Variants in NFKB2 observed in about 807,000 individuals in gnomAD.
The protein encoded by NFKB2 is nuclear factor NF-kappa-B p100 subunit.
In NFKB2, 21 loss-of-function variants were observed where a neutral mutation model predicts 109.3. That is an observed-to-expected ratio of 0.19 (90% CI 0.14 to 0.28). NFKB2 has a LOEUF of 0.28. Ranked by LOEUF, NFKB2 falls within the 10% of genes least tolerant of loss-of-function variation. The pLI is 1.00. For missense variants in NFKB2, 806 were observed against 1,185.3 expected (o/e 0.68, Z 4.70); for synonymous variants, 478 against 489.9 (o/e 0.98, Z 0.32).
Position 102,398,536 on chromosome 10 carries a change from T to G in NFKB2, c.991+13T>G. ...CCTCTGGTGGAAGGTGGAGCTGGGC[T>G]GAGGACCTCAGGGTGCTGGCGGGGG... On this transcript the variant is annotated intron_variant, in intron 11 of 22. Transcript: ENST00000661543. This position sits in a 1 kb window ranked among gnomAD's most constrained non-coding sequence, Gnocchi z 6.6. 2 of 1,612,872 alleles carry G rather than the reference T, an allele frequency of 1.2e-6. No individual in the cohort carries two copies. The highest frequency in any genetic ancestry group is 1.7e-6 in the Non-Finnish European group (2 of 1,179,124).
chr10:102,399,017 A>G, intron 12 of NFKB2, 153 bp downstream of exon 12: 1 of 878,316 alleles, frequency 1.1e-6, no homozygotes, highest in Non-Finnish European at 1.7e-6. Context: ...GTTCAAGACC[A>G]GCTTGGCCAA....
At position 102,396,717 on chromosome 10, in the gene NFKB2, A is replaced by G. The variant is rs2061122024; in HGVS notation, c.145-8A>G. 6.2e-7 allele frequency: 1 copy of G among 1,610,278 alleles called. No individual in the cohort carries two copies. The highest frequency in any genetic ancestry group is 8.5e-7 in the Non-Finnish European group (1 of 1,176,876). ...GATCACAATGCTACTATGCCCTTGG[A>G]CCTTCAGAGAGGCTTCCGATTTCGA... On this transcript the variant is annotated splice_polypyrimidine_tract_variant and splice_region_variant and intron_variant, in intron 4 of 22. Coordinates refer to ENST00000661543, the MANE Select transcript of NFKB2 (RefSeq NM_001322934.2). The surrounding 1 kb of genome is among the most constrained non-coding windows in gnomAD (Gnocchi z 5.9).
chr10:102,399,969 C>T, intron 14 of NFKB2, 111 bp from the exon 15 acceptor site: 2 of 1,202,090 alleles, frequency 1.7e-6, no homozygotes, highest in Non-Finnish European at 2.4e-6. Context: ...TGCCCTGGGC[C>T]ACGTGCTGGG....
chr10:102,399,832 G>A, intron 14 of NFKB2, 114 bp downstream of exon 14: 3 of 1,394,006 alleles, frequency 2.2e-6, no homozygotes, highest in South Asian at 1.5e-5. Flanking sequence ...CGGCCTCGGT[G>A]TTCACAAGCT....
rs1252799983 is a variant in NFKB2 at position 102,399,484 on chromosome 10, G to A, written c.1314G>A (p.Glu438=). The A allele has an allele frequency of 5.3e-6, 8 of 1,496,820 alleles. No individual in the cohort carries two copies. Among genetic ancestry groups the A allele is most frequent in the Non-Finnish European group, 7.1e-6 (8 of 1,121,866 alleles). 92.7% of individuals were successfully genotyped at this position (1,496,820 alleles called of 1,614,324 possible). ...RTPQCEPQAP[E]MLQRAREYNA... ...CCCAGTGCGAGCCGCAGGCCCCGGAGATGCTGCAGCGAGGTATGGACTCCG... is the reference window on the plus strand; with the variant it reads ...CCCAGTGCGAGCCGCAGGCCCCGGAAATGCTGCAGCGAGGTATGGACTCCG... Residue 438 remains glutamate (E), a synonymous_variant, in exon 13 of 23, where the codon GAG becomes GAA. Coordinates refer to ENST00000661543, the MANE Select transcript of NFKB2 (RefSeq NM_001322934.2).
Position 102,400,517 on chromosome 10 carries a change from A to C in NFKB2, c.1798+26A>C, listed in dbSNP as rs1202536697. On this transcript the variant is annotated intron_variant, in intron 16 of 22. Transcript: ENST00000661543. This position sits in a 1 kb window ranked among gnomAD's most constrained non-coding sequence, Gnocchi z 6.3. The stretch of plus-strand genomic sequence containing the variant: ...GTGAGCTCCCCATCTCACCTGACTA[A>C]GGGGGCAGGCGGGGACCAGGGAGGG... 1.3e-6 allele frequency: 2 copies of C among 1,591,648 alleles called. No homozygotes were observed. The highest frequency in any genetic ancestry group is 1.7e-6 in the Non-Finnish European group (2 of 1,169,214).
chr10:102,396,546 A>G lies in NFKB2; in HGVS notation c.144+57A>G, dbSNP rs1309229466. On this transcript the variant is annotated intron_variant, in intron 4 of 22. Coordinates refer to ENST00000661543, the MANE Select transcript of NFKB2 (RefSeq NM_001322934.2). The surrounding 1 kb of genome is among the most constrained non-coding windows in gnomAD (Gnocchi z 5.9). The stretch of plus-strand genomic sequence containing the variant: ...CTTCAGCTTTGGGGACAAATGGGGT[A>G]GTGGTAGCTGGCTGGCCATGGAGGA... The G allele has an allele frequency of 1.9e-6, 3 of 1,611,904 alleles. No individual in the cohort carries two copies. The highest frequency in any genetic ancestry group is 2.7e-5 in the African/African-American group (2 of 74,888).
Position 102,396,396 on chromosome 10 carries a change from C to T in NFKB2, c.104-53C>T. 1 of 1,614,140 alleles carries T rather than the reference C, an allele frequency of 6.2e-7. No homozygotes were observed. On this transcript the variant is annotated intron_variant, in intron 3 of 22. Coordinates refer to ENST00000661543, the MANE Select transcript of NFKB2 (RefSeq NM_001322934.2). The surrounding 1 kb of genome is among the most constrained non-coding windows in gnomAD (Gnocchi z 5.9). The stretch of plus-strand genomic sequence containing the variant: ...GGGGGAGGGAGAGCATGTGCCCTCT[C>T]TCTGGGGGAGGGGCTGGGAGATCGT...
rs760413992 is a variant in NFKB2, at chr10:102,395,979, C to T, written c.20C>T (p.Pro7Leu). ...AGAGACATGGAGAGTTGCTACAACC[C>T]AGTGAGTCATGCCGCCTGCCCCTGA... MESCYNPGLDGIIEYDD... is the reference protein window; with the variant it reads MESCYNLGLDGIIEYDD... The change falls in exon 2 of 23, where the codon CCA becomes CTA. Residue 7 changes from proline to leucine, a missense_variant and splice_region_variant. Pro to Leu is a moderately conservative substitution (Grantham distance 98, BLOSUM62 -3). Around this residue, in one of 10 missense-constraint regions of NFKB2, gnomAD observed 39 missense variants for 35.6 expected, o/e 1.09. Transcript: ENST00000661543. 1 of 1,612,504 alleles carries T rather than the reference C, an allele frequency of 6.2e-7. No individual in the cohort carries two copies. The highest frequency in any genetic ancestry group is 1.7e-5 in the Admixed American group (1 of 59,990).
rs1455622222 is a variant in NFKB2, at chr10:102,395,972, T to A, written c.13T>A (p.Tyr5Asn). MESC[Y>N]NPGLDGIIEY... ...CTAGCCCAGAGACATGGAGAGTTGC[T>A]ACAACCCAGTGAGTCATGCCGCCTG... is the stretch of plus-strand genomic sequence containing the variant. Residue 5 changes from tyrosine (Y) to asparagine (N), a missense_variant, in exon 2 of 23, where the codon TAC becomes AAC. Tyr to Asn is a moderately radical substitution (Grantham distance 143). Transcript: ENST00000661543. 2 of 1,612,684 alleles carry A rather than the reference T, an allele frequency of 1.2e-6. No homozygotes were observed. The highest frequency in any genetic ancestry group is 4.5e-5 in the East Asian group (2 of 44,870).
rs1448104078 is a variant in NFKB2, at chr10:102,399,373, C to T, written c.1203C>T (p.Gly401=). 1.5e-5 allele frequency: 23 copies of T among 1,546,692 alleles called. No individual in the cohort carries two copies. Among genetic ancestry groups the T allele is most frequent in the Non-Finnish European group, 1.9e-5 (22 of 1,146,972 alleles). Residue 401 remains glycine (G), a synonymous_variant, in exon 13 of 23, where the codon GGC becomes GGT. Coordinates refer to ENST00000661543, the MANE Select transcript of NFKB2 (RefSeq NM_001322934.2). The stretch of plus-strand genomic sequence containing the variant: ...GCCCCATGGGCTGCTACCCGGGAGG[C>T]GGGGGCGGGGCGCAGATGGCCGCCA... ...GAGPMGCYPG[G]GGGAQMAATV... is the part of the protein sequence containing the mutation.
Position 102,396,161 on chromosome 10 carries a change from G to C in NFKB2, c.22-92G>C, listed in dbSNP as rs1413084840. 1.9e-5 allele frequency: 28 copies of C among 1,478,172 alleles called. No homozygotes were observed. Among genetic ancestry groups the C allele is most frequent in the Admixed American group, 5.2e-5 (3 of 57,464 alleles). The allele number at this position is 1,478,172 out of a possible 1,614,324, so 91.6% of individuals were successfully genotyped here. On this transcript the variant is annotated intron_variant, in intron 2 of 22. Transcript: ENST00000661543. The surrounding 1 kb of genome is among the most constrained non-coding windows in gnomAD (Gnocchi z 5.9). Reference sequence around the variant, plus strand: ...GCTTTCTCTTGGGTCTGAGGAGGAGGGGGGAGTGACCACTGAAGACTTGGA... The same window carrying C: ...GCTTTCTCTTGGGTCTGAGGAGGAGCGGGGAGTGACCACTGAAGACTTGGA...
In NFKB2 at chr10:102,402,424, C is replaced by T. The variant is rs767721068; in HGVS notation, c.*48C>T. 5 of 1,135,440 alleles carry T rather than the reference C, an allele frequency of 4.4e-6. No individual in the cohort carries two copies. In the South Asian group the frequency reaches 7.6e-5, roughly 17 times the overall value. 70.3% of individuals were successfully genotyped at this position (1,135,440 alleles called of 1,614,324 possible). A position where few individuals can be genotyped will look rare whatever the true frequency, so the allele number is the denominator to read the frequency against. On this transcript the variant is annotated 3_prime_UTR_variant, in exon 23 of 23. Coordinates refer to ENST00000661543, the MANE Select transcript of NFKB2 (RefSeq NM_001322934.2). ...CTTCCCGGACCCCCTGTACAGCGTCCCCACCTATTTCAAATCTTATTTAAC... is the reference window on the plus strand; with the variant it reads ...CTTCCCGGACCCCCTGTACAGCGTCTCCACCTATTTCAAATCTTATTTAAC...
At chr10:102,395,430 G>T (rs1206402614), upstream of NFKB2, among the ~76,000 whole-genome samples, 1 of 152,200 alleles carries the variant, frequency 6.6e-6, no homozygotes. Flanking sequence ...GGGGAGGGGA[G>T]CGGGAGGCGG....
rs1389861275 is a variant in NFKB2, at chr10:102,400,036, A to G, written c.1470-44A>G. 1 of 1,589,388 alleles carries G rather than the reference A, an allele frequency of 6.3e-7. No homozygotes were observed. Among genetic ancestry groups the G allele is most frequent in the African/African-American group, 1.3e-5 (1 of 74,350 alleles). On this transcript the variant is annotated intron_variant, in intron 14 of 22. Transcript: ENST00000661543. The surrounding 1 kb of genome is among the most constrained non-coding windows in gnomAD (Gnocchi z 6.3). The stretch of plus-strand genomic sequence containing the variant: ...GGCGGTGGGGCCTTGAAAGCGAAGG[A>G]TGCTCTGAGTGGCTGGGCCAGACTC...
Position 102,400,424 on chromosome 10 carries a change from G to A in NFKB2, c.1731G>A (p.Leu577=). The change falls in exon 16 of 23, where the codon CTG becomes CTA. Residue 577 remains leucine (L), a synonymous_variant. Coordinates refer to ENST00000661543, the MANE Select transcript of NFKB2 (RefSeq NM_001322934.2). The surrounding 1 kb of genome is among the most constrained non-coding windows in gnomAD (Gnocchi z 6.3). ...GGGCAGGCGCTGGTGCTCCTGAGCTGCTGCGTGCACTGCTTCAGAGTGGAG... is the reference window on the plus strand; with the variant it reads ...GGGCAGGCGCTGGTGCTCCTGAGCTACTGCGTGCACTGCTTCAGAGTGGAG... ...ALRAGAGAPE[L]LRALLQSGAP... The A allele has an allele frequency of 6.2e-7, 1 of 1,612,832 alleles. No individual in the cohort carries two copies. Among genetic ancestry groups the A allele is most frequent in the East Asian group, 2.2e-5 (1 of 44,888 alleles).
Position 102,396,542 on chromosome 10 carries a change from G to T in NFKB2, c.144+53G>T. ...ATGGCTTCAGCTTTGGGGACAAATG[G>T]GGTAGTGGTAGCTGGCTGGCCATGG... is the stretch of plus-strand genomic sequence containing the variant. On this transcript the variant is annotated intron_variant, in intron 4 of 22. Coordinates refer to ENST00000661543, the MANE Select transcript of NFKB2 (RefSeq NM_001322934.2). The surrounding 1 kb of genome is among the most constrained non-coding windows in gnomAD (Gnocchi z 5.9). 6.2e-7 allele frequency: 1 copy of T among 1,612,560 alleles called. No individual in the cohort carries two copies. The highest frequency in any genetic ancestry group is 8.5e-7 in the Non-Finnish European group (1 of 1,179,504).
Position 102,401,696 on chromosome 10 carries a change from C to A in NFKB2, c.2294-49C>A. 1 of 1,561,058 alleles carries A rather than the reference C, an allele frequency of 6.4e-7. No individual in the cohort carries two copies. Among genetic ancestry groups the A allele is most frequent in the South Asian group, 1.2e-5 (1 of 83,418 alleles). On this transcript the variant is annotated intron_variant, in intron 20 of 22. Coordinates refer to ENST00000661543, the MANE Select transcript of NFKB2 (RefSeq NM_001322934.2). This position sits in a 1 kb window ranked among gnomAD's most constrained non-coding sequence, Gnocchi z 4.2. ...GGCAGTGTTCAGGTGTCCATGTCCC[C>A]ACCCAACTCTGGAGGTAAATGACAT...
In NFKB2 at chr10:102,401,317, A is replaced by G. The variant is rs2061240909; in HGVS notation, c.2209A>G (p.Thr737Ala). The change falls in exon 19 of 23, where the codon ACT (threonine) becomes GCT (alanine). Residue 737 changes from threonine to alanine, a missense_variant. Transcript: ENST00000661543. The surrounding 1 kb of genome is among the most constrained non-coding windows in gnomAD (Gnocchi z 4.2). ...CCGGGGCCACACGCCTCTTGACCTC[A>G]CTTGCAGCACCAAGGTGAGGCCAGC... ...SFRGHTPLDL[T>A]CSTKVKTLLL... 1 of 1,606,748 alleles carries G rather than the reference A, an allele frequency of 6.2e-7. No homozygotes were observed. Among genetic ancestry groups the G allele is most frequent in the South Asian group, 1.1e-5 (1 of 90,268 alleles).
Sources: gnomAD v4.1 joint callset for allele counts (sites outside exome capture counted in the v4.1 genomes callset) on GRCh38, gnomAD v4.1.1 for gene constraint, gnomAD v4.1.1 regional missense constraint, Gnocchi (gnomAD v3.1) non-coding constraint, MANE v1.5 for transcripts, NCBI Gene and HGNC (gene_info 2026-07-23, HGNC 2026-07-21) for gene names.